The following DNAJC3 variants were observed in gnomAD, a reference collection of about 807,000 sequenced individuals.
DNAJC3 encodes dnaJ homolog subfamily C member 3.
In DNAJC3, 38 loss-of-function variants were observed where a neutral mutation model predicts 68.6. The ratio of observed to expected loss-of-function variants is 0.55; its 90% CI spans 0.43 to 0.73. The LOEUF (loss-of-function observed/expected upper bound fraction) is 0.73, where lower values mean the gene tolerates loss of function less well. Ranked by LOEUF, DNAJC3 falls within the 30% of genes least tolerant of loss-of-function variation. The probability of loss-of-function intolerance (pLI) is 0.00; values close to 1 mark genes in which losing one functional copy is unlikely to be tolerated. For missense variants in DNAJC3, 526 were observed against 591.9 expected, an observed-to-expected ratio of 0.89 and a Z score of 1.16; for synonymous variants, 203 against 204.0, an observed-to-expected ratio of 1.00 and a Z score of 0.04.
intron 1 of DNAJC3, among the ~76,000 whole-genome samples, chr13:95,683,238 T>C (rs573078966): frequency 1.8e-4 from 27 of 152,314 alleles, no homozygotes; most frequent in Middle Eastern, 3.4e-3. Context: ...TTATTTTAGA[T>C]TCAAGATATA....
At chr13:95,765,995 A>G (rs1882983398) in intron 9 of DNAJC3, among the ~76,000 whole-genome samples, 1 of 152,230 alleles carries the variant, frequency 6.6e-6, no homozygotes, top group South Asian at 2.1e-4. Context: ...AGCCTGTATA[A>G]CTGAAACTGA....
rs967027163 is a variant in DNAJC3, at chr13:95,736,577, T to G, written c.393+11325T>G. Among the ~76,000 whole-genome samples, 192 of 151,106 alleles carry G rather than the reference T, an allele frequency of 1.3e-3. 1 individual carries two copies. The highest frequency in any genetic ancestry group is 4.4e-3 in the African/African-American group (181 of 41,074). On this transcript the variant is annotated intron_variant, in intron 4 of 11. Transcript: ENST00000602402. ...GGATTCCTAGGTATTTTATTCTCTT[T>G]GAAGCAATTGTGAATGGGAGTTCAC... is the stretch of plus-strand genomic sequence containing the variant.
rs945356697 is a variant in DNAJC3 at position 95,794,617 on chromosome 13, TTTTG to T, written c.*3595_*3598del. ...AGAGGTGGGATTATTTGGGGGTTTT[TTTTG>T]TTTGTTTACAGATGATCTCATTTGC... On this transcript the variant is annotated 3_prime_UTR_variant, in exon 12 of 12. Coordinates refer to ENST00000602402, the MANE Select transcript of DNAJC3 (RefSeq NM_006260.5). The T allele has an allele frequency of 6.6e-6, 1 of 152,240 alleles. No individual in the cohort carries two copies. The highest frequency in any genetic ancestry group is 2.4e-5 in the African/African-American group (1 of 41,470). The allele number at this position is 152,240 out of a possible 1,614,324, so 9.4% of individuals were successfully genotyped here. A position where few individuals can be genotyped will look rare whatever the true frequency, so the allele number is the denominator to read the frequency against.
chr13:95,716,129 G>T (rs1009647939), intron 2 of DNAJC3, among the ~76,000 whole-genome samples: 6 of 152,158 alleles, frequency 3.9e-5, no homozygotes, highest in Non-Finnish European at 7.3e-5. Flanking sequence ...TTGTACTCCA[G>T]CCTGGGCGAG....
At chr13:95,681,843 T>C (rs991561214) in intron 1 of DNAJC3, among the ~76,000 whole-genome samples, 1 of 152,246 alleles carries the variant, frequency 6.6e-6, no homozygotes, top group Admixed American at 6.5e-5. Context: ...ACCTTGTCTT[T>C]ACTGAGAAAA....
At position 95,792,815 on chromosome 13, in the gene DNAJC3, T is replaced by C. The variant is rs982033079; in HGVS notation, c.*1785T>C. 12 of 152,222 alleles carry C rather than the reference T, an allele frequency of 7.9e-5. No individual in the cohort carries two copies. Among genetic ancestry groups the C allele is most frequent in the Admixed American group, 5.2e-4 (8 of 15,286 alleles). 9.4% of individuals were successfully genotyped at this position (152,222 alleles called of 1,614,324 possible). ...ATCTCACTACTGGCTATGTCAGCAATATCTTTTTCAATCTGGTTCCTTTTG... is the reference window on the plus strand; with the variant it reads ...ATCTCACTACTGGCTATGTCAGCAACATCTTTTTCAATCTGGTTCCTTTTG... On this transcript the variant is annotated 3_prime_UTR_variant, in exon 12 of 12. Coordinates refer to ENST00000602402, the MANE Select transcript of DNAJC3 (RefSeq NM_006260.5).
intron 11 of DNAJC3, among the ~76,000 whole-genome samples, chr13:95,787,837 TGGAAATTTC>T (rs933040794): frequency 6.6e-6 from 1 of 152,162 alleles, no homozygotes; most frequent in Non-Finnish European, 1.5e-5. Context: ...TAATATGGCC[TGGAAATTTC>T]GTTAAGAGGG....
rs535358337 is a variant in DNAJC3, at chr13:95,701,581, A to T, written c.83-7646A>T. On this transcript the variant is annotated intron_variant, in intron 1 of 11. Coordinates refer to ENST00000602402, the MANE Select transcript of DNAJC3 (RefSeq NM_006260.5). ...CGCTGAAGTTTAAACTCTCATTGAA[A>T]TCTACTCTGGAGATTTACTCGGTTC... Among the ~76,000 whole-genome samples the T allele has an allele frequency of 7.9e-5, 12 of 152,216 alleles. No individual in the cohort carries two copies. In the South Asian group the frequency reaches 2.5e-3, roughly 32 times the overall value.
At chr13:95,746,019 T>C (rs79002843) in intron 4 of DNAJC3, among the ~76,000 whole-genome samples, 2,612 of 152,200 alleles carry the variant, frequency 0.017, 77 homozygotes, top group African/African-American at 0.06. Flanking sequence ...GCAGAGGAAA[T>C]TGAGGCTTAG....
intron 4 of DNAJC3, among the ~76,000 whole-genome samples, chr13:95,738,001 C>T (rs1387303520): frequency 4.0e-5 from 5 of 123,748 alleles, no homozygotes; most frequent in African/African-American, 1.3e-4. Flanking sequence ...TGAATGCGTC[C>T]CAGAGATTCT....
chr13:95,745,057 A>T (rs993683602), intron 4 of DNAJC3: 2 of 152,176 alleles, frequency 1.3e-5, no homozygotes, highest in Non-Finnish European at 2.9e-5. Flanking sequence ...CTGGGGCTCT[A>T]TTTGCTCTGG....
intron 1 of DNAJC3, among the ~76,000 whole-genome samples, chr13:95,707,050 A>G (rs1363399609): frequency 6.6e-6 from 1 of 152,068 alleles, no homozygotes; most frequent in Non-Finnish European, 1.5e-5. Context: ...TGGGTTGGGT[A>G]GGGGGAGGAT....
At chr13:95,692,193 C>T (rs993358771) in intron 1 of DNAJC3, among the ~76,000 whole-genome samples, 3 of 152,086 alleles carry the variant, frequency 2.0e-5, no homozygotes, top group East Asian at 1.9e-4. Context: ...CATGGCCAAG[C>T]ATATGGTTGA....
intron 4 of DNAJC3, among the ~76,000 whole-genome samples, chr13:95,726,876 A>G (rs1467697871): frequency 6.6e-6 from 1 of 152,220 alleles, no homozygotes; most frequent in Non-Finnish European, 1.5e-5. Context: ...TTATCATAAC[A>G]CTTGTCACAA....
chr13:95,770,765 T>G (rs1883134349), intron 9 of DNAJC3, among the ~76,000 whole-genome samples: 1 of 152,240 alleles, frequency 6.6e-6, no homozygotes, highest in African/African-American at 2.4e-5. Flanking sequence ...CCCTCTTTAC[T>G]GAGCTCACAG....
rs796243780 is a variant in DNAJC3, at chr13:95,767,691, G to GTTTTTTTTTT, written c.1075+3745_1075+3754dup. On this transcript the variant is annotated intron_variant, in intron 9 of 11. Transcript: ENST00000602402. Reference sequence around the variant, plus strand: ...CACATCCTCGTCAACAGTTTTTTGGGTTTTTTTTTTTTTTTTGAGACAGAG... The same window carrying GTTTTTTTTTT: ...CACATCCTCGTCAACAGTTTTTTGGGTTTTTTTTTTTTTTTTTTTTTTTTTTGAGACAGAG... 5.6e-3 allele frequency among the ~76,000 whole-genome samples: 757 copies of GTTTTTTTTTT among 135,672 alleles called. 11 individuals are homozygous for GTTTTTTTTTT. Among genetic ancestry groups the GTTTTTTTTTT allele is most frequent in the African/African-American group, 0.02 (718 of 36,450 alleles). 89.0% of individuals were successfully genotyped at this position (135,672 alleles called of 152,430 possible).
chr13:95,794,128 T>TTAAAG lies in DNAJC3; in HGVS notation c.*3101_*3105dup, dbSNP rs1279268172. On this transcript the variant is annotated 3_prime_UTR_variant, in exon 12 of 12. Transcript: ENST00000602402. ...CTTTAGTCAGTATTAAAAATCTTTT[T>TTAAAG]TAAAGTATTGGTATGAAAACAAATT... 4 of 152,352 alleles carry TTAAAG rather than the reference T, an allele frequency of 2.6e-5. No homozygotes were observed. Among genetic ancestry groups the TTAAAG allele is most frequent in the East Asian group, 1.9e-4 (1 of 5,192 alleles). The allele number at this position is 152,352 out of a possible 1,614,324, so 9.4% of individuals were successfully genotyped here.
At chr13:95,770,179 T>C (rs1312690131) in intron 9 of DNAJC3, among the ~76,000 whole-genome samples, 1 of 152,214 alleles carries the variant, frequency 6.6e-6, no homozygotes, top group Admixed American at 6.5e-5. Flanking sequence ...CATGTTCATT[T>C]TGGCTTTTTG....
chr13:95,715,932 G>A (rs1245327985), intron 2 of DNAJC3, among the ~76,000 whole-genome samples: 2 of 151,876 alleles, frequency 1.3e-5, no homozygotes, highest in African/African-American at 2.4e-5. Context: ...TAAGGTGGGC[G>A]GATCACCTGA....
Sources: gnomAD v4.1 joint callset for allele counts (sites outside exome capture counted in the v4.1 genomes callset) on GRCh38, gnomAD v4.1.1 for gene constraint, MANE v1.5 for transcripts, NCBI Gene and HGNC (gene_info 2026-07-23, HGNC 2026-07-21) for gene names.